LRRC8D: variants seen among roughly 807,000 people sequenced by gnomAD.
LRRC8D encodes leucine rich repeat containing 8 VRAC subunit D, also known as volume-regulated anion channel subunit LRRC8D.
Under a neutral mutation model 55.8 loss-of-function variants are expected in LRRC8D, and 20 were observed. The observed-to-expected ratio is 0.36, with a 90% CI of 0.25 to 0.52. LRRC8D has a LOEUF of 0.52. Among genes scored for constraint, LRRC8D ranks in the 20% least tolerant of loss-of-function variants. The pLI, the probability that LRRC8D is intolerant of heterozygous loss-of-function variation, is 0.93. For synonymous variants in LRRC8D, 352 were observed against 377.0 expected, an observed-to-expected ratio of 0.93 and a Z score of 0.77; for missense variants, 651 against 1,030.8, an observed-to-expected ratio of 0.63 and a Z score of 5.05.
At chr1:89,891,480 C>CT (rs1662579101) in intron 2 of LRRC8D, among the ~76,000 whole-genome samples, 1 of 152,168 alleles carries the variant, frequency 6.6e-6, no homozygotes. Flanking sequence ...TGGAGAGATA[C>CT]TTTGAGACTA....
At chr1:89,900,509 C>T (rs1333319524) in intron 2 of LRRC8D, among the ~76,000 whole-genome samples, 4 of 149,046 alleles carry the variant, frequency 2.7e-5, no homozygotes, top group Non-Finnish European at 4.4e-5. Flanking sequence ...GATTTATGTC[C>T]ATCATAAAAA....
At chr1:89,865,296 T>C (rs556522579) in intron 2 of LRRC8D, among the ~76,000 whole-genome samples, 137 of 149,024 alleles carry the variant, frequency 9.2e-4, no homozygotes, top group Middle Eastern at 3.6e-3. Flanking sequence ...TTGATTACTT[T>C]GCTTAATTGT....
intron 2 of LRRC8D, among the ~76,000 whole-genome samples, chr1:89,908,636 G>A (rs896141888): frequency 6.6e-6 from 1 of 152,216 alleles, no homozygotes; most frequent in Non-Finnish European, 1.5e-5. Context: ...GTGTTGAAAT[G>A]CTAGTCAGGT....
At chr1:89,835,776 C>T (rs1322944502) in intron 1 of LRRC8D, among the ~76,000 whole-genome samples, 4 of 152,206 alleles carry the variant, frequency 2.6e-5, no homozygotes, top group African/African-American at 4.8e-5. Flanking sequence ...CAGTTCCTGG[C>T]ACATAGTTAA....
intron 2 of LRRC8D, among the ~76,000 whole-genome samples, chr1:89,897,801 C>T (rs1662749529): frequency 6.6e-6 from 1 of 152,122 alleles, no homozygotes; most frequent in Non-Finnish European, 1.5e-5. Context: ...CTGCCTTAGC[C>T]AAATCTCATT....
intron 2 of LRRC8D, among the ~76,000 whole-genome samples, chr1:89,848,933 C>A (rs1227379922): frequency 2.0e-5 from 3 of 152,072 alleles, no homozygotes; most frequent in Admixed American, 2.0e-4. Context: ...CTCCTGACTT[C>A]TTGATCTGCC....
intron 1 of LRRC8D, among the ~76,000 whole-genome samples, chr1:89,840,916 G>T (rs912055284): frequency 4.6e-5 from 7 of 152,150 alleles, no homozygotes; most frequent in Non-Finnish European, 8.8e-5. Context: ...GATACCAAAA[G>T]ATATTTCAAA....
chr1:89,888,399 A>T (rs1662478736), intron 2 of LRRC8D, among the ~76,000 whole-genome samples: 1 of 152,252 alleles, frequency 6.6e-6, no homozygotes, highest in Non-Finnish European at 1.5e-5. Flanking sequence ...GAAATGATCC[A>T]TGTGGTAATG....
chr1:89,833,997 A>C (rs530827642), intron 1 of LRRC8D, among the ~76,000 whole-genome samples: 1 of 152,204 alleles, frequency 6.6e-6, no homozygotes, highest in Non-Finnish European at 1.5e-5. Context: ...CTGGGCAGCG[A>C]CACTGTGGCT....
chr1:89,914,156 G>A (rs1199654740), intron 2 of LRRC8D, among the ~76,000 whole-genome samples: 2 of 152,246 alleles, frequency 1.3e-5, no homozygotes, highest in Non-Finnish European at 2.9e-5. Flanking sequence ...TGGATGGACT[G>A]CAACTGTAAA....
intron 2 of LRRC8D, among the ~76,000 whole-genome samples, chr1:89,892,605 G>A (rs527680593): frequency 4.0e-4 from 61 of 152,022 alleles, no homozygotes; most frequent in Admixed American, 2.0e-3. Flanking sequence ...TGCAAGCTCC[G>A]CCTCCTGGGT....
chr1:89,846,231 T>C (rs1373450192), intron 2 of LRRC8D, among the ~76,000 whole-genome samples: 1 of 152,210 alleles, frequency 6.6e-6, no homozygotes, highest in Non-Finnish European at 1.5e-5. Flanking sequence ...AGAGTCTCCT[T>C]CTATTCTAGT....
chr1:89,878,000 G>A (rs1184083350), intron 2 of LRRC8D, among the ~76,000 whole-genome samples: 5 of 152,182 alleles, frequency 3.3e-5, no homozygotes, highest in African/African-American at 1.2e-4. Context: ...TGAGAGGTGC[G>A]AGTTCCCTTT....
chr1:89,932,950 A>G, intron 2 of LRRC8D, 117 bp from the exon 3 acceptor site: 5 of 787,030 alleles, frequency 6.4e-6, no homozygotes, highest in Non-Finnish European at 1.0e-5. Flanking sequence ...TTTATATTGG[A>G]TAAAAAGATA....
Position 89,935,272 on chromosome 1 carries a change from A to T in LRRC8D, c.2204A>T (p.Asp735Val). 3 of 1,614,206 alleles carry T rather than the reference A, an allele frequency of 1.9e-6. No individual in the cohort carries two copies. The highest frequency in any genetic ancestry group is 2.5e-6 in the Non-Finnish European group (3 of 1,180,008). ...AGTTTACAGAAACTCAGATGCTTAG[A>T]TGTGAGCTACAACAACATTTCAATG... is the stretch of plus-strand genomic sequence containing the variant. ...VFSLQKLRCL[D>V]VSYNNISMIP... Residue 735 changes from aspartate to valine, a missense_variant, in exon 3 of 3, where the codon GAT becomes GTT. Physicochemically the swap from Asp to Val is radical, Grantham distance 152. Coordinates refer to ENST00000337338, the MANE Select transcript of LRRC8D (RefSeq NM_001134479.2).
At chr1:89,871,434 A>G (rs1662003981) in intron 2 of LRRC8D, among the ~76,000 whole-genome samples, 1 of 152,222 alleles carries the variant, frequency 6.6e-6, no homozygotes, top group South Asian at 2.1e-4. Context: ...GGGTTCAGAT[A>G]TTTAGCAGAT....
intron 1 of LRRC8D, among the ~76,000 whole-genome samples, chr1:89,822,496 C>T (rs1296577089): frequency 1.3e-5 from 2 of 152,152 alleles, no homozygotes; most frequent in Non-Finnish European, 2.9e-5. Flanking sequence ...TTTGGAAGAG[C>T]TGATTTCTGG....
chr1:89,881,317 G>A (rs755425792), intron 2 of LRRC8D, among the ~76,000 whole-genome samples: 1 of 152,206 alleles, frequency 6.6e-6, no homozygotes, highest in Non-Finnish European at 1.5e-5. Flanking sequence ...AGGTTTTCCA[G>A]CTGAGGGTGG....
intron 2 of LRRC8D, among the ~76,000 whole-genome samples, chr1:89,912,133 C>T (rs1663147796): frequency 6.6e-6 from 1 of 152,106 alleles, no homozygotes. Flanking sequence ...CCAGCTATTC[C>T]AACTGAAAAA....
Sources: allele counts gnomAD v4.1 joint callset (sites outside exome capture counted in the v4.1 genomes callset), GRCh38; gene constraint gnomAD v4.1.1; transcripts MANE v1.5; gene names NCBI Gene and HGNC (gene_info 2026-07-23, HGNC 2026-07-21).